The following ASIC2 variants were observed in gnomAD, a reference collection of about 807,000 sequenced individuals.
The protein encoded by ASIC2 is acid sensing ion channel subunit 2, also known as acid-sensing ion channel 2.
ASIC2 carries 25 observed loss-of-function variants against 57.3 expected under a neutral mutation model. The ratio of observed to expected loss-of-function variants is 0.44; its 90% CI spans 0.32 to 0.61. The LOEUF (loss-of-function observed/expected upper bound fraction) is 0.61. Among genes scored for constraint, ASIC2 ranks in the 20% least tolerant of loss-of-function variants. ASIC2 has a pLI of 0.06. For missense variants in ASIC2, 641 were observed against 738.1 expected (o/e 0.87, Z 1.52); for synonymous variants, 319 against 307.5 (o/e 1.04, Z -0.39).
intron 1 of ASIC2, among the ~76,000 whole-genome samples, chr17:33,335,003 TGCCAG>T (rs1410203951): frequency 3.3e-5 from 5 of 152,222 alleles, no homozygotes; most frequent in Non-Finnish European, 7.3e-5. Context: ...CTGATGAACC[TGCCAG>T]TTATTTGCTA....
Position 33,292,575 on chromosome 17 carries a change from G to C in ASIC2, c.-460C>G. ...GCTGGTCCTGGGAGAAGGGCCACTC[G>C]GCCACCATGCCTGATCTGGACATCC... On this transcript the variant is annotated 5_prime_UTR_variant, in exon 1 of 10. Coordinates refer to ENST00000225823, the MANE Select transcript of ASIC2 (RefSeq NM_183377.2). 1 of 985,804 alleles carries C rather than the reference G, an allele frequency of 1.0e-6. No individual in the cohort carries two copies. Among genetic ancestry groups the C allele is most frequent in the Non-Finnish European group, 1.2e-6 (1 of 830,280 alleles). 61.1% of individuals were successfully genotyped at this position (985,804 alleles called of 1,614,324 possible).
chr17:33,540,371 T>G (rs1379262626), intron 1 of ASIC2, among the ~76,000 whole-genome samples: 1 of 152,138 alleles, frequency 6.6e-6, no homozygotes, highest in African/African-American at 2.4e-5. Context: ...AAGCTCACAC[T>G]CAGCATAGGT....
intron 1 of ASIC2, among the ~76,000 whole-genome samples, chr17:33,933,396 G>A (rs1445468022): frequency 6.6e-6 from 1 of 152,176 alleles, no homozygotes; most frequent in Non-Finnish European, 1.5e-5. Context: ...CGCAGTGCCT[G>A]GCACATACTG....
At chr17:33,718,188 C>T (rs35774400) in intron 1 of ASIC2, among the ~76,000 whole-genome samples, 11,119 of 152,172 alleles carry the variant, frequency 0.073, 1,198 homozygotes, top group African/African-American at 0.24. Flanking sequence ...GTTTACTTAG[C>T]CCTAATACAA....
intron 1 of ASIC2, among the ~76,000 whole-genome samples, chr17:33,629,984 A>C (rs1447846160): frequency 6.6e-6 from 1 of 152,184 alleles, no homozygotes; most frequent in Non-Finnish European, 1.5e-5. Flanking sequence ...TATTCATTGA[A>C]GGTCAAATGC....
chr17:33,795,250 C>T (rs778195416), intron 1 of ASIC2, among the ~76,000 whole-genome samples: 2 of 152,256 alleles, frequency 1.3e-5, no homozygotes, highest in African/African-American at 2.4e-5. Flanking sequence ...ACTACTCATC[C>T]TACACCATGA....
chr17:34,018,983 C>T (rs921108130), intron 1 of ASIC2, among the ~76,000 whole-genome samples: 3 of 152,118 alleles, frequency 2.0e-5, no homozygotes, highest in African/African-American at 4.8e-5. Context: ...TCTTGGCTCA[C>T]TGCAAGCTCC....
chr17:33,293,894 T>C (rs557188444), upstream of ASIC2, among the ~76,000 whole-genome samples: 3 of 152,104 alleles, frequency 2.0e-5, no homozygotes, highest in Admixed American at 6.5e-5. Flanking sequence ...GGTTTCTAGA[T>C]GTGGTGTGTG....
intron 1 of ASIC2, among the ~76,000 whole-genome samples, chr17:34,128,024 C>A (rs1159948431): frequency 6.6e-6 from 1 of 152,070 alleles, no homozygotes; most frequent in African/African-American, 2.4e-5. Flanking sequence ...CACTGACAGC[C>A]ACAAATATAT....
chr17:33,776,731 G>A (rs918486666), intron 1 of ASIC2, among the ~76,000 whole-genome samples: 21 of 152,148 alleles, frequency 1.4e-4, no homozygotes, highest in Admixed American at 5.9e-4. Flanking sequence ...GAGCTCTACC[G>A]TGGCTTTTTC....
intron 1 of ASIC2, among the ~76,000 whole-genome samples, chr17:33,839,421 T>C (rs1377725791): frequency 1.3e-5 from 2 of 152,222 alleles, no homozygotes; most frequent in Non-Finnish European, 1.5e-5. Context: ...AATGCATTAA[T>C]TAATTCAAGC....
chr17:33,046,593 C>T (rs2091955986), intron 3 of ASIC2, among the ~76,000 whole-genome samples: 1 of 152,068 alleles, frequency 6.6e-6, no homozygotes, highest in South Asian at 2.1e-4. Flanking sequence ...GCCTGTCCTC[C>T]CCTCCAGCCA....
intron 1 of ASIC2, among the ~76,000 whole-genome samples, chr17:33,392,770 G>A (rs1281664262): frequency 6.6e-6 from 1 of 152,168 alleles, no homozygotes; most frequent in Admixed American, 6.6e-5. Context: ...TATGACAGTA[G>A]CTAATCCCTG....
chr17:34,039,724 ACTT>A (rs1187742632), intron 1 of ASIC2: 3 of 1,612,178 alleles, frequency 1.9e-6, no homozygotes, highest in African/African-American at 1.3e-5. Flanking sequence ...GGGAGTCTCT[ACTT>A]CTTTATCACT....
intron 1 of ASIC2, among the ~76,000 whole-genome samples, chr17:33,865,768 A>ACC (rs1914219784): frequency 1.2e-5 from 1 of 80,034 alleles, no homozygotes. Context: ...ATAAAAAAAA[A>ACC]AAACAAAAAA....
In ASIC2 at chr17:33,159,446, T is replaced by C. The variant is rs116894396; in HGVS notation, c.709-47379A>G. ...TGTGGTCAAAGAGGATGGGAGACACTGTTCTAGATCAGTCTCCCCTCTCCC... is the reference window on the plus strand; with the variant it reads ...TGTGGTCAAAGAGGATGGGAGACACCGTTCTAGATCAGTCTCCCCTCTCCC... On this transcript the variant is annotated intron_variant, in intron 1 of 9. Coordinates refer to ENST00000225823, the MANE Select transcript of ASIC2 (RefSeq NM_183377.2). 9.9e-3 allele frequency among the ~76,000 whole-genome samples: 1,501 copies of C among 152,242 alleles called. 5 individuals carry two copies. The highest frequency in any genetic ancestry group is 0.015 in the Non-Finnish European group (1,016 of 68,002).
At chr17:33,471,642 G>T (rs1432787650) in intron 1 of ASIC2, among the ~76,000 whole-genome samples, 1 of 152,072 alleles carries the variant, frequency 6.6e-6, no homozygotes, top group Non-Finnish European at 1.5e-5. Context: ...GAATCTTTAT[G>T]GAAGGAGATA....
At chr17:34,153,098 C>T (rs556244847) in intron 1 of ASIC2, among the ~76,000 whole-genome samples, 34 of 152,324 alleles carry the variant, frequency 2.2e-4, no homozygotes, top group Admixed American at 7.8e-4. Flanking sequence ...AATCATGGCT[C>T]ATTCACTAAT....
chr17:33,578,954 C>T (rs965372223), intron 1 of ASIC2, among the ~76,000 whole-genome samples: 4 of 152,144 alleles, frequency 2.6e-5, no homozygotes, highest in Non-Finnish European at 4.4e-5. Context: ...GCTGCATCCT[C>T]ACCTGGTCCT....
Sources: allele counts gnomAD v4.1 joint callset (sites outside exome capture counted in the v4.1 genomes callset), GRCh38; gene constraint gnomAD v4.1.1; transcripts MANE v1.5; gene names NCBI Gene and HGNC (gene_info 2026-07-23, HGNC 2026-07-21).